Variants in HAO2 observed in about 807,000 individuals in gnomAD.
HAO2 encodes the protein hydroxyacid oxidase 2.
In HAO2, 42 loss-of-function variants were observed where a neutral mutation model predicts 37.4. The ratio of observed to expected loss-of-function variants is 1.12; its 90% CI spans 0.88 to 1.45. The LOEUF (loss-of-function observed/expected upper bound fraction) is 1.45. Among genes scored for constraint, HAO2 ranks in the 40% most tolerant of loss-of-function variants. The pLI, the probability that HAO2 is intolerant of heterozygous loss-of-function variation, is 0.00. For missense variants in HAO2, 476 were observed against 430.2 expected, an observed-to-expected ratio of 1.11 and a Z score of -0.94; for synonymous variants, 180 against 162.8, an observed-to-expected ratio of 1.11 and a Z score of -0.81.
At chr1:119,371,743 G>A (rs1336427516) in intron 1 of HAO2, among the ~76,000 whole-genome samples, 1 of 152,202 alleles carries the variant, frequency 6.6e-6, no homozygotes, top group Non-Finnish European at 1.5e-5. Context: ...AGTCATGCAT[G>A]TAAAGCAATT....
At chr1:119,393,515 A>G in intron 7 of HAO2, among the ~76,000 whole-genome samples, 1 of 152,084 alleles carries the variant, frequency 6.6e-6, no homozygotes, top group East Asian at 1.9e-4. Flanking sequence ...ATTGCACACA[A>G]GAGTTGATTT....
At chr1:119,381,256 G>T (rs756969678) in intron 2 of HAO2, 40 bp downstream of exon 2, 20 of 1,526,324 alleles carry the variant, frequency 1.3e-5, no homozygotes, top group Non-Finnish European at 1.7e-5. Context: ...AGGTTAAGGT[G>T]CACTGGTGGA....
intron 3 of HAO2, among the ~76,000 whole-genome samples, chr1:119,383,555 C>A (rs1650133620): frequency 6.6e-6 from 1 of 152,132 alleles, no homozygotes; most frequent in Non-Finnish European, 1.5e-5. Flanking sequence ...TTCAATTGAC[C>A]TTGTCATCTT....
intron 2 of HAO2, 63 bp downstream of exon 2, chr1:119,381,279 C>CTACTACTGTCCA: frequency 8.7e-7 from 1 of 1,155,890 alleles, no homozygotes; most frequent in Non-Finnish European, 1.3e-6. Context: ...GCAACTTGGA[C>CTACTACTGTCCA]AGTAGTAGTC....
chr1:119,375,498 A>T (rs587773113), intron 1 of HAO2, among the ~76,000 whole-genome samples: 6 of 152,192 alleles, frequency 3.9e-5, no homozygotes, highest in African/African-American at 1.4e-4. Flanking sequence ...CAAGTCATTT[A>T]TGAGAACCAA....
chr1:119,385,487 T>C, intron 4 of HAO2: 2 of 776,250 alleles, frequency 2.6e-6, no homozygotes, highest in Non-Finnish European at 3.1e-6. Context: ...CCAAAGTGAC[T>C]GGCCAGACAG....
chr1:119,378,262 C>T (rs919721991), intron 1 of HAO2, among the ~76,000 whole-genome samples: 1 of 151,952 alleles, frequency 6.6e-6, no homozygotes, highest in Non-Finnish European at 1.5e-5. Flanking sequence ...AATAAATAAA[C>T]CCATCAGATC....
Position 119,384,994 on chromosome 1 carries a change from G to C in HAO2, c.502G>C (p.Asp168His), listed in dbSNP as rs587680125. The C allele has an allele frequency of 1.2e-6, 2 of 1,613,882 alleles. No homozygotes were observed. Among genetic ancestry groups the C allele is most frequent in the Admixed American group, 1.7e-5 (1 of 60,002 alleles). ...DTPVCGNRRH[D>H]IRNQLRRNLT... The stretch of plus-strand genomic sequence containing the variant: ...ACCTGTATGTGGCAACAGGCGACAT[G>C]ACATTCGAAACCAGTTGAGGAGGAA... The change falls in exon 4 of 8, where the codon GAC becomes CAC. Residue 168 changes from aspartate to histidine, a missense_variant. Transcript: ENST00000325945.
chr1:119,375,567 G>A (rs1195282689), intron 1 of HAO2, among the ~76,000 whole-genome samples: 1 of 152,082 alleles, frequency 6.6e-6, no homozygotes, highest in Non-Finnish European at 1.5e-5. Flanking sequence ...AAGCTACCAG[G>A]ACACATGAGT....
At chr1:119,382,833 A>G in intron 2 of HAO2, 82 bp from the exon 3 acceptor site, 3 of 1,322,636 alleles carry the variant, frequency 2.3e-6, no homozygotes, top group Non-Finnish European at 3.2e-6. Flanking sequence ...TGTATCAGGA[A>G]TCAGGGGGGT....
chr1:119,392,531 C>G, intron 6 of HAO2, 87 bp from the exon 7 acceptor site: 1 of 907,648 alleles, frequency 1.1e-6, no homozygotes, highest in Non-Finnish European at 1.9e-6. Flanking sequence ...CATTATAGCT[C>G]TGACTACATC....
intron 1 of HAO2, chr1:119,380,830 T>C: frequency 1.3e-6 from 1 of 765,376 alleles, no homozygotes; most frequent in Non-Finnish European, 2.2e-6. Flanking sequence ...ATATAAGAAA[T>C]ACTCAGAAGG....
chr1:119,391,868 T>G (rs1347272789), intron 5 of HAO2, among the ~76,000 whole-genome samples: 1 of 152,172 alleles, frequency 6.6e-6, no homozygotes, highest in African/African-American at 2.4e-5. Context: ...TCTTCCAACT[T>G]GTAAGACAGT....
intron 1 of HAO2, among the ~76,000 whole-genome samples, chr1:119,372,072 C>T (rs954259017): frequency 1.3e-5 from 2 of 152,148 alleles, no homozygotes; most frequent in African/African-American, 4.8e-5. Flanking sequence ...CAAAAGAATG[C>T]TATTAAAATA....
Position 119,392,256 on chromosome 1 carries a change from C to G in HAO2, c.918C>G (p.Gly306=). Residue 306 remains glycine, a synonymous_variant, in exon 6 of 8, where the codon GGC becomes GGG. Coordinates refer to ENST00000325945, the MANE Select transcript of HAO2 (RefSeq NM_016527.4). The stretch of plus-strand genomic sequence containing the variant: ...TTCTTGGGAGACCAATCCTATGGGG[C>G]CTTGCCTGCAAGGTGAGAGTGGCAA... ...CIFLGRPILW[G]LACKGEHGVK... is the part of the protein sequence containing the mutation. The G allele has an allele frequency of 6.2e-7, 1 of 1,610,682 alleles. No individual in the cohort carries two copies. The highest frequency in any genetic ancestry group is 1.3e-5 in the African/African-American group (1 of 74,886).
chr1:119,393,359 T>C (rs1376388634), intron 7 of HAO2, among the ~76,000 whole-genome samples: 2 of 152,186 alleles, frequency 1.3e-5, no homozygotes, highest in African/African-American at 4.8e-5. Context: ...AGTCTTTTCC[T>C]TTGACAGAAC....
chr1:119,380,814 G>A, intron 1 of HAO2: 3 of 834,288 alleles, frequency 3.6e-6, no homozygotes, highest in Non-Finnish European at 6.0e-6. Context: ...TACAGTGGAG[G>A]AGAAGATATA....
At chr1:119,385,993 T>C in intron 4 of HAO2, 1 of 644,998 alleles carries the variant, frequency 1.6e-6, no homozygotes, top group South Asian at 6.9e-5. Flanking sequence ...CTTTTGCTTA[T>C]CCATCTTATA....
At chr1:119,381,304 CA>C (rs1649920248) in intron 2 of HAO2, 88 bp downstream of exon 2, 3 of 913,722 alleles carry the variant, frequency 3.3e-6, no homozygotes, top group African/African-American at 1.6e-5. Flanking sequence ...TTTCTGCCTC[CA>C]AAAAACACAG....
Sources: gnomAD v4.1 joint callset for allele counts (sites outside exome capture counted in the v4.1 genomes callset) on GRCh38, gnomAD v4.1.1 for gene constraint, MANE v1.5 for transcripts, NCBI Gene and HGNC (gene_info 2026-07-23, HGNC 2026-07-21) for gene names.